FMN1: variants seen among roughly 807,000 people sequenced by gnomAD.
FMN1 encodes formin-1.
A neutral mutation model predicts 132.4 loss-of-function variants in FMN1; 110 were observed. That is an observed-to-expected ratio of 0.83 (90% CI 0.71 to 0.97). The LOEUF (loss-of-function observed/expected upper bound fraction) is 0.97. Among genes scored for constraint, FMN1 ranks in the 50% least tolerant of loss-of-function variants. The pLI, the probability that FMN1 is intolerant of heterozygous loss-of-function variation, is 0.00. For synonymous variants in FMN1, 722 were observed against 651.7 expected, an observed-to-expected ratio of 1.11 and a Z score of -1.64; for missense variants, 1,792 against 1,705.3, an observed-to-expected ratio of 1.05 and a Z score of -0.90.
chr15:32,814,111 T>A (rs1031520485), intron 17 of FMN1, among the ~76,000 whole-genome samples: 1 of 152,210 alleles, frequency 6.6e-6, no homozygotes, highest in African/African-American at 2.4e-5. Flanking sequence ...GAGAGACTCA[T>A]TAACATTAAT....
chr15:32,789,665 G>C (rs1040852905), intron 19 of FMN1, among the ~76,000 whole-genome samples: 2 of 152,168 alleles, frequency 1.3e-5, no homozygotes, highest in Non-Finnish European at 2.9e-5. Context: ...GAAGGGTACA[G>C]TAATATTCTA....
chr15:33,072,272 GAGATGTGAA>G (rs1222612154), intron 5 of FMN1, among the ~76,000 whole-genome samples: 3 of 152,186 alleles, frequency 2.0e-5, no homozygotes, highest in African/African-American at 7.2e-5. Flanking sequence ...CAGTCTTCAT[GAGATGTGAA>G]ACCTGCACAT....
At chr15:33,156,811 T>C (rs1365417307) in intron 3 of FMN1, among the ~76,000 whole-genome samples, 1 of 152,144 alleles carries the variant, frequency 6.6e-6, no homozygotes, top group African/African-American at 2.4e-5. Context: ...AATTAATGAA[T>C]TCTCAGACAA....
At chr15:32,795,367 A>G (rs980428839) in intron 19 of FMN1, among the ~76,000 whole-genome samples, 14 of 152,176 alleles carry the variant, frequency 9.2e-5, no homozygotes, top group Admixed American at 5.2e-4. Context: ...TATAGTACCT[A>G]TAGCTCAAGA....
chr15:32,926,168 A>G lies in FMN1; in HGVS notation c.3226+6T>C. The G allele has an allele frequency of 7.1e-7, 1 of 1,409,738 alleles. No homozygotes were observed. Among genetic ancestry groups the G allele is most frequent in the South Asian group, 1.3e-5 (1 of 78,660 alleles). 87.3% of individuals were successfully genotyped at this position (1,409,738 alleles called of 1,614,324 possible). ...AAGTAAAACAAAAGTGATAGAAAAG[A>G]CTTACCCTGTTGGATATCCTTCATT... On this transcript the variant is annotated splice_donor_region_variant and intron_variant, in intron 10 of 20. Coordinates refer to ENST00000616417, the MANE Select transcript of FMN1 (RefSeq NM_001277313.2).
intron 19 of FMN1, among the ~76,000 whole-genome samples, chr15:32,797,653 C>A (rs757419227): frequency 6.6e-6 from 1 of 152,022 alleles, no homozygotes; most frequent in African/African-American, 2.4e-5. Flanking sequence ...TTCCCATGTT[C>A]CCAAAGAAGT....
intron 19 of FMN1, among the ~76,000 whole-genome samples, chr15:32,792,475 A>AC (rs398026766): frequency 3.1e-4 from 46 of 149,216 alleles, no homozygotes; most frequent in African/African-American, 6.8e-4. Context: ...AACAAAAAAA[A>AC]CCCAAAAAAA....
At chr15:32,981,543 A>AATAATAATTATTATT (rs574939662) in intron 7 of FMN1, among the ~76,000 whole-genome samples, 12 of 138,398 alleles carry the variant, frequency 8.7e-5, no homozygotes, top group African/African-American at 2.9e-4. Flanking sequence ...TAATAATAAT[A>AATAATAATTATTATT]ATTATTATTA....
chr15:33,022,217 C>A (rs1041680196), intron 6 of FMN1, among the ~76,000 whole-genome samples: 1 of 151,906 alleles, frequency 6.6e-6, no homozygotes, highest in Non-Finnish European at 1.5e-5. Context: ...ATTTTTTTCC[C>A]AAATGTTTCC....
At chr15:32,849,286 C>T (rs926222528) in intron 17 of FMN1, among the ~76,000 whole-genome samples, 8 of 151,908 alleles carry the variant, frequency 5.3e-5, no homozygotes, top group African/African-American at 1.9e-4. Flanking sequence ...CCACCGCGCC[C>T]GGCCAGTCTT....
intron 5 of FMN1, among the ~76,000 whole-genome samples, chr15:33,086,986 C>T (rs2038720355): frequency 6.6e-6 from 1 of 152,154 alleles, no homozygotes; most frequent in African/African-American, 2.4e-5. Context: ...AACATGGTTC[C>T]AGGTCTGAAA....
chr15:32,789,778 T>A (rs2057007504), intron 19 of FMN1, among the ~76,000 whole-genome samples: 1 of 152,182 alleles, frequency 6.6e-6, no homozygotes, highest in South Asian at 2.1e-4. Context: ...GTGTACCATT[T>A]TCTATCTTTT....
At chr15:33,127,661 G>A (rs1963226431) in intron 4 of FMN1, among the ~76,000 whole-genome samples, 1 of 152,190 alleles carries the variant, frequency 6.6e-6, no homozygotes, top group Admixed American at 6.5e-5. Context: ...TCCAACTGAA[G>A]CTTCCACTTG....
intron 4 of FMN1, among the ~76,000 whole-genome samples, chr15:33,093,943 T>TA (rs1376678283): frequency 1.3e-5 from 2 of 152,244 alleles, no homozygotes; most frequent in Non-Finnish European, 2.9e-5. Context: ...ATGCTCATTT[T>TA]ATAGTTGAGA....
intron 3 of FMN1, among the ~76,000 whole-genome samples, chr15:33,168,196 C>A (rs1477813788): frequency 6.6e-6 from 1 of 152,186 alleles, no homozygotes; most frequent in East Asian, 1.9e-4. Context: ...TTTTAAAAGT[C>A]TCTCTGAGTA....
At chr15:32,894,748 C>A (rs2060113571) in intron 15 of FMN1, among the ~76,000 whole-genome samples, 1 of 148,052 alleles carries the variant, frequency 6.8e-6, no homozygotes. Context: ...GATACATGTT[C>A]ATTATGTTTA....
chr15:33,023,917 C>T (rs1566838558), intron 6 of FMN1, among the ~76,000 whole-genome samples: 1 of 152,024 alleles, frequency 6.6e-6, no homozygotes. Flanking sequence ...AGTGATTCAG[C>T]TATATTAAAA....
chr15:33,088,891 C>G lies in FMN1; in HGVS notation c.1951G>C (p.Val651Leu). 1 of 1,535,974 alleles carries G rather than the reference C, an allele frequency of 6.5e-7. No homozygotes were observed. Among genetic ancestry groups the G allele is most frequent in the Non-Finnish European group, 8.7e-7 (1 of 1,146,844 alleles). ...GCTGGTCCCGCTCTGTAGCCCAGAA[C>G]CCACGCGCCTCCATCTCTGTTGGGA... ...DLPNRDGGAW[V>L]LGYRAGPACP... is the part of the protein sequence containing the mutation. Residue 651 changes from valine (V) to leucine (L), a missense_variant, in exon 5 of 21, where the codon GTT (valine) becomes CTT (leucine). This residue lies in a region of FMN1 where 1,150 missense variants were observed against 1,043.1 expected (regional missense o/e 1.10). Coordinates refer to ENST00000616417, the MANE Select transcript of FMN1 (RefSeq NM_001277313.2).
intron 16 of FMN1, among the ~76,000 whole-genome samples, chr15:32,874,599 T>A (rs1409659067): frequency 6.6e-6 from 1 of 152,162 alleles, no homozygotes; most frequent in Non-Finnish European, 1.5e-5. Flanking sequence ...GACTGACAAG[T>A]ATTATCTCTG....
Sources: allele counts gnomAD v4.1 joint callset (sites outside exome capture counted in the v4.1 genomes callset), GRCh38; gene constraint gnomAD v4.1.1; regional missense constraint gnomAD v4.1.1; transcripts MANE v1.5; gene names NCBI Gene and HGNC (gene_info 2026-07-23, HGNC 2026-07-21).